Variants in CDH13 observed in about 807,000 individuals in gnomAD.
The protein encoded by CDH13 is cadherin-13.
In CDH13, 24 loss-of-function variants were observed where a neutral mutation model predicts 63.8. The observed-to-expected ratio is 0.38, with a 90% CI of 0.27 to 0.53. CDH13 has a LOEUF of 0.53. Ranked by LOEUF, CDH13 falls within the 20% of genes least tolerant of loss-of-function variation. CDH13 has a pLI of 0.85. For missense variants in CDH13, 1,049 were observed against 903.1 expected (o/e 1.16, Z -2.07); for synonymous variants, 503 against 355.3 (o/e 1.42, Z -4.67).
chr16:83,701,003 G>C (rs556888416), intron 10 of CDH13, among the ~76,000 whole-genome samples: 60 of 152,292 alleles, frequency 3.9e-4, no homozygotes, highest in Admixed American at 6.5e-4. Context: ...TCCCCACCAA[G>C]TGTGGAGTCG....
At chr16:83,050,459 A>G (rs1243249286) in intron 3 of CDH13, among the ~76,000 whole-genome samples, 1 of 152,114 alleles carries the variant, frequency 6.6e-6, no homozygotes, top group Non-Finnish European at 1.5e-5. Flanking sequence ...TTAAGACACC[A>G]TACTGTCCTT....
intron 2 of CDH13, among the ~76,000 whole-genome samples, chr16:82,986,880 G>A (rs774635568): frequency 7.2e-5 from 11 of 152,200 alleles, no homozygotes; most frequent in Non-Finnish European, 1.0e-4. Flanking sequence ...TATGAGTTAG[G>A]TACTTTCAAG....
chr16:83,694,533 T>C (rs1387278877), intron 10 of CDH13, among the ~76,000 whole-genome samples: 1 of 152,224 alleles, frequency 6.6e-6, no homozygotes, highest in Non-Finnish European at 1.5e-5. Context: ...GACTTGCTGT[T>C]ATGACTGTCC....
intron 5 of CDH13, among the ~76,000 whole-genome samples, chr16:83,331,948 G>A (rs781726826): frequency 7.2e-5 from 11 of 151,990 alleles, no homozygotes; most frequent in Non-Finnish European, 1.0e-4. Context: ...AACCACACAC[G>A]CACATATCAG....
chr16:83,729,589 G>A (rs1448435854), intron 10 of CDH13, among the ~76,000 whole-genome samples: 1 of 152,182 alleles, frequency 6.6e-6, no homozygotes, highest in African/African-American at 2.4e-5. Flanking sequence ...CTTACTAGCT[G>A]TGTGTCCTGG....
At chr16:82,660,669 C>T (rs758055827) in intron 1 of CDH13, among the ~76,000 whole-genome samples, 1 of 152,114 alleles carries the variant, frequency 6.6e-6, no homozygotes, top group Non-Finnish European at 1.5e-5. Context: ...ACCAAAGACC[C>T]TAGAGCAGCT....
At chr16:83,619,590 C>A (rs115456362) in intron 8 of CDH13, among the ~76,000 whole-genome samples, 4 of 152,176 alleles carry the variant, frequency 2.6e-5, no homozygotes, top group African/African-American at 9.7e-5. Context: ...TGGTGGCCGC[C>A]GGCAACCTTT....
chr16:83,345,702 C>T (rs1367085330), intron 6 of CDH13, among the ~76,000 whole-genome samples: 5 of 152,122 alleles, frequency 3.3e-5, no homozygotes, highest in African/African-American at 1.2e-4. Flanking sequence ...GCTGAAGTCA[C>T]TCCTAAGTAT....
At chr16:83,296,337 G>A (rs183079907) in intron 5 of CDH13, among the ~76,000 whole-genome samples, 7 of 152,272 alleles carry the variant, frequency 4.6e-5, no homozygotes, top group African/African-American at 1.4e-4. Flanking sequence ...TCAGTCAGTA[G>A]CAGAGTCGGA....
chr16:83,510,426 A>C (rs1044632852), intron 7 of CDH13, among the ~76,000 whole-genome samples: 2 of 152,222 alleles, frequency 1.3e-5, no homozygotes, highest in Non-Finnish European at 2.9e-5. Flanking sequence ...TAGGTGGACT[A>C]CGTCTAATGG....
intron 3 of CDH13, among the ~76,000 whole-genome samples, chr16:83,106,717 T>C (rs1218513167): frequency 6.6e-6 from 1 of 152,164 alleles, no homozygotes; most frequent in Non-Finnish European, 1.5e-5. Context: ...AAAACCAAAA[T>C]ACAAAACTGC....
At chr16:83,310,526 A>T (rs997005354) in intron 5 of CDH13, among the ~76,000 whole-genome samples, 13 of 152,084 alleles carry the variant, frequency 8.5e-5, no homozygotes, top group Non-Finnish European at 1.5e-4. Context: ...ACAGGTCCAC[A>T]CTCCTTAGCT....
intron 1 of CDH13, among the ~76,000 whole-genome samples, chr16:82,637,295 C>T (rs550767507): frequency 6.6e-6 from 1 of 152,222 alleles, no homozygotes; most frequent in South Asian, 2.1e-4. Flanking sequence ...TGATTCCGAA[C>T]GTGTCTATCT....
At chr16:83,543,571 T>C (rs1238964474) in intron 7 of CDH13, among the ~76,000 whole-genome samples, 4 of 152,228 alleles carry the variant, frequency 2.6e-5, no homozygotes, top group African/African-American at 4.8e-5. Flanking sequence ...ACCTCTAGCT[T>C]GGTCTTTAGC....
intron 7 of CDH13, among the ~76,000 whole-genome samples, chr16:83,565,787 ATTC>A (rs1364611200): frequency 6.6e-6 from 1 of 152,032 alleles, no homozygotes; most frequent in Non-Finnish European, 1.5e-5. Flanking sequence ...TAACTGATTT[ATTC>A]TTTTCTGGCT....
Position 83,532,511 on chromosome 16 carries a change from C to T in CDH13, c.960+45856C>T, listed in dbSNP as rs184701527. ...CAGTGAGCTTCCTAGAAGCCACATG[C>T]GGGCTCTTTGCTGCTGCATCCAGAG... On this transcript the variant is annotated intron_variant, in intron 7 of 13. Coordinates refer to ENST00000567109, the MANE Select transcript of CDH13 (RefSeq NM_001257.5). Among the ~76,000 whole-genome samples, 73 of 152,322 alleles carry T rather than the reference C, an allele frequency of 4.8e-4. 1 individual carries two copies. The highest frequency in any genetic ancestry group is 3.4e-3 in the Admixed American group (52 of 15,304).
intron 11 of CDH13, 91 bp downstream of exon 11, chr16:83,748,341 G>A: frequency 8.2e-7 from 1 of 1,214,352 alleles, no homozygotes. Flanking sequence ...ACCCAGGGGT[G>A]TTCTTGGGAA....
At chr16:83,271,519 ACAAC>A (rs1266413226) in intron 5 of CDH13, among the ~76,000 whole-genome samples, 2 of 145,716 alleles carry the variant, frequency 1.4e-5, no homozygotes, top group African/African-American at 2.6e-5. Flanking sequence ...ACAAAACAAA[ACAAC>A]AACAACAAAA....
chr16:83,779,405 TCAAAAAAAAA>T (rs1433879588), intron 11 of CDH13, among the ~76,000 whole-genome samples: 48 of 67,806 alleles, frequency 7.1e-4, no homozygotes, highest in African/African-American at 1.3e-3. Context: ...AGACTCCATC[TCAAAAAAAAA>T]AAAAAAAAAA....
Sources: allele counts gnomAD v4.1 joint callset (sites outside exome capture counted in the v4.1 genomes callset), GRCh38; gene constraint gnomAD v4.1.1; transcripts MANE v1.5; gene names NCBI Gene and HGNC (gene_info 2026-07-23, HGNC 2026-07-21).